Variants in NEDD8 observed in about 807,000 individuals in gnomAD.
The protein encoded by NEDD8 is ubiquitin-like protein NEDD8.
A neutral mutation model predicts 13.8 loss-of-function variants in NEDD8; 1 was observed. That is an observed-to-expected ratio of 0.07 (90% CI 0.03 to 0.34). NEDD8 has a LOEUF of 0.34. Among genes scored for constraint, NEDD8 ranks in the 10% least tolerant of loss-of-function variants. NEDD8 has a pLI of 0.99. For missense variants in NEDD8, 10 were observed against 95.2 expected, an observed-to-expected ratio of 0.10 and a Z score of 3.73; for synonymous variants, 31 against 33.2, an observed-to-expected ratio of 0.93 and a Z score of 0.23.
At chr14:24,221,693 G>A (rs761725359) in intron 1 of NEDD8, among the ~76,000 whole-genome samples, 4 of 152,086 alleles carry the variant, frequency 2.6e-5, no homozygotes, top group Non-Finnish European at 5.9e-5. Context: ...TGCCTCCCAG[G>A]TTCAAGCAAT....
intron 3 of NEDD8, 55 bp downstream of exon 3, chr14:24,218,075 TCTC>T: frequency 6.2e-7 from 1 of 1,610,254 alleles, no homozygotes; most frequent in Non-Finnish European, 8.5e-7. Flanking sequence ...ACGTGCCCCC[TCTC>T]CTCTTCTCAT....
chr14:24,225,676 T>G (rs1303315726), intron 1 of NEDD8, among the ~76,000 whole-genome samples: 1 of 152,194 alleles, frequency 6.6e-6, no homozygotes, highest in Admixed American at 6.5e-5. Context: ...AGTTGAACAA[T>G]TTTAGAAGAT....
chr14:24,217,348 G>A lies in NEDD8; in HGVS notation c.150-125C>T, dbSNP rs10146394. ...TCTGTCATCTAGGCTGGAGTACAGT[G>A]GCACGATCTCAGCTCACTGCAACTT... is the stretch of plus-strand genomic sequence containing the variant. On this transcript the variant is annotated intron_variant, in intron 3 of 3. Coordinates refer to ENST00000250495, the MANE Select transcript of NEDD8 (RefSeq NM_006156.3). 5.4e-3 allele frequency: 4,039 copies of A among 745,584 alleles called. 106 individuals are homozygous for A. In the African/African-American group the frequency reaches 0.057, roughly 11 times the overall value. 46.2% of individuals were successfully genotyped at this position (745,584 alleles called of 1,614,324 possible). A position where few individuals can be genotyped will look rare whatever the true frequency, so the allele number is the denominator to read the frequency against.
chr14:24,232,154 T>C (rs2040052592), intron 1 of NEDD8, 96 bp downstream of exon 1: 1 of 1,594,018 alleles, frequency 6.3e-7, no homozygotes, highest in Non-Finnish European at 8.6e-7. Context: ...TCCTCCAGGC[T>C]AGGGAAAGGC....
chr14:24,229,868 C>A (rs572952003), intron 1 of NEDD8, among the ~76,000 whole-genome samples: 14 of 152,120 alleles, frequency 9.2e-5, no homozygotes, highest in African/African-American at 1.4e-4. Context: ...GTCAAGAGAT[C>A]GATACCATCC....
Position 24,217,183 on chromosome 14 carries a change from C to T in NEDD8, c.190G>A (p.Gly64Ser). ...KTAADYKILG[G>S]SVLHLVLALR... Reference sequence around the variant, plus strand: ...GCCAACACCAGGTGAAGGACTGAACCACCTAAAATCTTGTAATCAGCTGCT... The same window carrying T: ...GCCAACACCAGGTGAAGGACTGAACTACCTAAAATCTTGTAATCAGCTGCT... The change falls in exon 4 of 4, where the codon GGT (glycine) becomes AGT (serine). Residue 64 changes from glycine to serine, a missense_variant. Transcript: ENST00000250495. 6.2e-7 allele frequency: 1 copy of T among 1,613,730 alleles called. No individual in the cohort carries two copies. The highest frequency in any genetic ancestry group is 8.5e-7 in the Non-Finnish European group (1 of 1,179,892).
At chr14:24,221,283 CTT>C (rs2039804076) in intron 1 of NEDD8, among the ~76,000 whole-genome samples, 1 of 145,868 alleles carries the variant, frequency 6.9e-6, no homozygotes, top group African/African-American at 2.7e-5. Flanking sequence ...AATTATTTCA[CTT>C]TCTTTTTTTT....
chr14:24,230,241 AAAAAG>A (rs1338611227), intron 1 of NEDD8, among the ~76,000 whole-genome samples: 9 of 126,198 alleles, frequency 7.1e-5, no homozygotes, highest in African/African-American at 2.5e-4. Flanking sequence ...AAAAAAAAAA[AAAAAG>A]GCCAGGCACG....
chr14:24,223,171 G>A (rs991126054), intron 1 of NEDD8, among the ~76,000 whole-genome samples: 4 of 151,606 alleles, frequency 2.6e-5, no homozygotes, highest in Non-Finnish European at 2.9e-5. Flanking sequence ...GGAAGGGGAT[G>A]TGGGAGTACT....
Position 24,232,356 on chromosome 14 carries a change from AG to A in NEDD8, c.-90del. 1 of 1,384,666 alleles carries A rather than the reference AG, an allele frequency of 7.2e-7. No homozygotes were observed. Among genetic ancestry groups the A allele is most frequent in the Non-Finnish European group, 9.9e-7 (1 of 1,011,058 alleles). The allele number at this position is 1,384,666 out of a possible 1,614,324, so 85.8% of individuals were successfully genotyped here. A position where few individuals can be genotyped will look rare whatever the true frequency, so the allele number is the denominator to read the frequency against. On this transcript the variant is annotated 5_prime_UTR_variant, in exon 1 of 4. Coordinates refer to ENST00000250495, the MANE Select transcript of NEDD8 (RefSeq NM_006156.3). ...CCGCCCTCCAGCACTCTTGCCTGCAAGGGCCACTTCTACTTCCGGGTCACTG... is the reference window on the plus strand; with the variant it reads ...CCGCCCTCCAGCACTCTTGCCTGCAAGGCCACTTCTACTTCCGGGTCACTG...
chr14:24,218,070 C>G, intron 3 of NEDD8, 63 bp downstream of exon 3: 2 of 1,606,534 alleles, frequency 1.2e-6, no homozygotes, highest in Admixed American at 3.3e-5. Flanking sequence ...TCAGTACGTG[C>G]CCCCTCTCCT....
At chr14:24,223,870 G>A (rs1455341832) in intron 1 of NEDD8, among the ~76,000 whole-genome samples, 1 of 151,828 alleles carries the variant, frequency 6.6e-6, no homozygotes, top group Non-Finnish European at 1.5e-5. Flanking sequence ...AAGTAGCTGG[G>A]GTTACAGCCG....
intron 1 of NEDD8, among the ~76,000 whole-genome samples, chr14:24,222,177 C>A (rs1382641110): frequency 6.6e-6 from 1 of 151,998 alleles, no homozygotes; most frequent in Non-Finnish European, 1.5e-5. Context: ...CCTTTTGATA[C>A]TGTAAAATTA....
At chr14:24,217,284 T>C in intron 3 of NEDD8, 61 bp from the exon 4 acceptor site, 2 of 1,270,794 alleles carry the variant, frequency 1.6e-6, no homozygotes, top group African/African-American at 1.5e-5. Flanking sequence ...TTTGTTGTTG[T>C]TGTTGTTGTT....
chr14:24,217,976 C>A, intron 3 of NEDD8, 157 bp downstream of exon 3: 2 of 722,402 alleles, frequency 2.8e-6, no homozygotes. Context: ...CTGAAAAAAT[C>A]TTATTCTGAG....
intron 1 of NEDD8, among the ~76,000 whole-genome samples, chr14:24,223,340 G>A (rs1594487216): frequency 1.3e-5 from 2 of 152,138 alleles, no homozygotes; most frequent in South Asian, 2.1e-4. Flanking sequence ...GTTCAATGCC[G>A]TAGTGGGCTG....
intron 1 of NEDD8, among the ~76,000 whole-genome samples, chr14:24,219,157 G>GT (rs113945433): frequency 1.5e-4 from 23 of 152,146 alleles, no homozygotes; most frequent in African/African-American, 5.3e-4. Flanking sequence ...CATCTCAGCA[G>GT]TTTTTTAAAA....
intron 1 of NEDD8, among the ~76,000 whole-genome samples, chr14:24,223,399 C>CA (rs1404342372): frequency 7.3e-5 from 11 of 150,814 alleles, no homozygotes; most frequent in South Asian, 2.1e-4. Context: ...ACCCTATCTC[C>CA]AAAAAAAACC....
chr14:24,218,707 G>C lies in NEDD8; in HGVS notation c.19-276C>G, dbSNP rs930442285. On this transcript the variant is annotated intron_variant, in intron 1 of 3. Transcript: ENST00000250495. Reference sequence around the variant, plus strand: ...AACATCAGTCCCCCAAAATCAGTGAGAATATTGGCATTATTTTAGATGATA... The same window carrying C: ...AACATCAGTCCCCCAAAATCAGTGACAATATTGGCATTATTTTAGATGATA... 1.7e-5 allele frequency: 9 copies of C among 530,364 alleles called. No homozygotes were observed. The East Asian group carries it at 2.9e-4, about 17-fold the overall frequency. The allele number at this position is 530,364 out of a possible 1,614,324, so 32.9% of individuals were successfully genotyped here. A position where few individuals can be genotyped will look rare whatever the true frequency, so the allele number is the denominator to read the frequency against.
Sources: allele counts gnomAD v4.1 joint callset (sites outside exome capture counted in the v4.1 genomes callset), GRCh38; gene constraint gnomAD v4.1.1; transcripts MANE v1.5; gene names NCBI Gene and HGNC (gene_info 2026-07-23, HGNC 2026-07-21).